The following CEP112 variants were observed in gnomAD, a reference collection of about 807,000 sequenced individuals.
CEP112 encodes the protein centrosomal protein of 112 kDa.
CEP112 carries 127 observed loss-of-function variants against 153.0 expected under a neutral mutation model. The ratio of observed to expected loss-of-function variants is 0.83; its 90% CI spans 0.72 to 0.96. The LOEUF is 0.96. Among genes scored for constraint, CEP112 ranks in the 40% least tolerant of loss-of-function variants. The pLI, the probability that CEP112 is intolerant of heterozygous loss-of-function variation, is 0.00. For missense variants in CEP112, 1,089 were observed against 1,101.2 expected, an observed-to-expected ratio of 0.99 and a Z score of 0.16; for synonymous variants, 358 against 374.4, an observed-to-expected ratio of 0.96 and a Z score of 0.51.
At chr17:65,839,757 A>G (rs943117497) in intron 21 of CEP112, among the ~76,000 whole-genome samples, 2 of 152,094 alleles carry the variant, frequency 1.3e-5, no homozygotes, top group African/African-American at 4.8e-5. Context: ...CAACATGATC[A>G]TATATTAAGA....
chr17:65,809,516 G>A lies in CEP112; in HGVS notation c.2394+42288C>T, dbSNP rs200777338. Among the ~76,000 whole-genome samples the A allele has an allele frequency of 4.6e-5, 7 of 152,194 alleles. No individual in the cohort carries two copies. In the East Asian group the frequency reaches 9.6e-4, roughly 21 times the overall value. ...TTAGACTTGGGTGGTAATGACAGAC[G>A]TGATGGGAAGTGGTTTGATGTAAGA... On this transcript the variant is annotated intron_variant, in intron 21 of 26. Transcript: ENST00000535342.
chr17:65,997,250 GCT>G (rs1316649503), intron 17 of CEP112, among the ~76,000 whole-genome samples: 4 of 152,088 alleles, frequency 2.6e-5, no homozygotes, highest in African/African-American at 9.7e-5. Context: ...TTATTAGAAA[GCT>G]CTCTTTCCTA....
intron 18 of CEP112, among the ~76,000 whole-genome samples, chr17:65,953,400 T>C (rs763910878): frequency 7.2e-5 from 11 of 152,188 alleles, no homozygotes; most frequent in Non-Finnish European, 1.2e-4. Flanking sequence ...ATCGTGAACT[T>C]TGGCTCCAAG....
At chr17:65,815,738 T>C (rs2056229143) in intron 21 of CEP112, among the ~76,000 whole-genome samples, 1 of 152,118 alleles carries the variant, frequency 6.6e-6, no homozygotes, top group South Asian at 2.1e-4. Flanking sequence ...GTATTTCATA[T>C]TTGTGATGAT....
intron 21 of CEP112, among the ~76,000 whole-genome samples, chr17:65,772,919 G>A (rs564660870): frequency 1.3e-5 from 2 of 152,202 alleles, no homozygotes; most frequent in South Asian, 4.2e-4. Context: ...TGATGACAAT[G>A]ACAATGATAG....
chr17:66,088,134 G>GAACCCT (rs2068009562), intron 8 of CEP112, among the ~76,000 whole-genome samples: 1 of 151,820 alleles, frequency 6.6e-6, no homozygotes, highest in Admixed American at 6.6e-5. Flanking sequence ...CTCCACCCCA[G>GAACCCT]AGCCAGACCA....
intron 24 of CEP112, among the ~76,000 whole-genome samples, chr17:65,667,059 C>T (rs2046730334): frequency 6.6e-6 from 1 of 152,104 alleles, no homozygotes; most frequent in Admixed American, 6.5e-5. Context: ...TGGAAGTATG[C>T]AGGGAGGGTG....
chr17:65,937,092 GCAGA>G (rs1310073761), intron 18 of CEP112, among the ~76,000 whole-genome samples: 3 of 149,226 alleles, frequency 2.0e-5, no homozygotes, highest in Non-Finnish European at 1.5e-5. Flanking sequence ...TGCCAGGATT[GCAGA>G]CAGAGTCTCG....
At chr17:65,984,379 T>G (rs1312870078) in intron 17 of CEP112, among the ~76,000 whole-genome samples, 1 of 152,172 alleles carries the variant, frequency 6.6e-6, no homozygotes, top group Non-Finnish European at 1.5e-5. Flanking sequence ...AATCTAAAAT[T>G]TATGTGAAAT....
chr17:66,159,653 C>A (rs763595827), intron 4 of CEP112, among the ~76,000 whole-genome samples: 3 of 152,076 alleles, frequency 2.0e-5, no homozygotes, highest in Non-Finnish European at 4.4e-5. Flanking sequence ...ATTCAACACC[C>A]CTTCATGCTA....
intron 11 of CEP112, among the ~76,000 whole-genome samples, chr17:66,057,352 C>A (rs142078834): frequency 6.6e-6 from 1 of 152,274 alleles, no homozygotes; most frequent in African/African-American, 2.4e-5. Flanking sequence ...TGAGTTGATC[C>A]CTATCCCATA....
intron 15 of CEP112, among the ~76,000 whole-genome samples, chr17:66,027,962 A>G (rs2065290607): frequency 7.3e-6 from 1 of 137,506 alleles, no homozygotes; most frequent in Admixed American, 8.4e-5. Context: ...AGGGAGAGAG[A>G]GAGGCAGAGA....
At chr17:65,694,979 T>G (rs1279774965) in intron 23 of CEP112, among the ~76,000 whole-genome samples, 1 of 152,206 alleles carries the variant, frequency 6.6e-6, no homozygotes, top group Admixed American at 6.5e-5. Flanking sequence ...GAACTGTCCC[T>G]CCTCTCCTAG....
intron 23 of CEP112, among the ~76,000 whole-genome samples, chr17:65,709,512 T>C (rs1265417900): frequency 2.0e-5 from 3 of 152,174 alleles, no homozygotes; most frequent in Non-Finnish European, 4.4e-5. Context: ...ACTTATTCAC[T>C]ACCATGAGAA....
At chr17:66,136,064 G>A (rs1030344671) in intron 4 of CEP112, among the ~76,000 whole-genome samples, 3 of 152,176 alleles carry the variant, frequency 2.0e-5, no homozygotes, top group African/African-American at 7.2e-5. Context: ...AGGCAAGCAT[G>A]AAACCAACCA....
chr17:65,672,493 TTC>T (rs2047034666), intron 24 of CEP112, among the ~76,000 whole-genome samples: 1 of 152,216 alleles, frequency 6.6e-6, no homozygotes, highest in African/African-American at 2.4e-5. Flanking sequence ...GAGAGGAGTC[TTC>T]TCTTTATAGA....
chr17:65,636,603 T>C (rs1396461401), intron 26 of CEP112: 1 of 153,322 alleles, frequency 6.5e-6, no homozygotes, highest in Non-Finnish European at 1.4e-5. Context: ...ATCTTTCTTT[T>C]TTCTTTTTCT....
chr17:66,005,550 G>T, intron 17 of CEP112, 140 bp downstream of exon 17: 1 of 1,036,864 alleles, frequency 9.6e-7, no homozygotes, highest in Non-Finnish European at 1.3e-6. Context: ...TGAAGATAGA[G>T]ATTTGTGATG....
chr17:65,971,084 C>T (rs968483273), intron 17 of CEP112, among the ~76,000 whole-genome samples: 11 of 152,178 alleles, frequency 7.2e-5, no homozygotes, highest in Admixed American at 5.9e-4. Flanking sequence ...ACATGTCTTA[C>T]ATGTATATTA....
Sources: gnomAD v4.1 joint callset for allele counts (sites outside exome capture counted in the v4.1 genomes callset) on GRCh38, gnomAD v4.1.1 for gene constraint, MANE v1.5 for transcripts, NCBI Gene and HGNC (gene_info 2026-07-23, HGNC 2026-07-21) for gene names.